The following CTNNA2 variants were observed in gnomAD, a reference collection of about 807,000 sequenced individuals.
CTNNA2 encodes the protein catenin alpha-2.
CTNNA2 carries 42 observed loss-of-function variants against 101.0 expected under a neutral mutation model. The observed-to-expected ratio is 0.42, with a 90% CI of 0.32 to 0.54. CTNNA2 has a LOEUF of 0.54. Among genes scored for constraint, CTNNA2 ranks in the 20% least tolerant of loss-of-function variants. The probability of loss-of-function intolerance (pLI) is 0.14; values close to 1 mark genes in which losing one functional copy is unlikely to be tolerated. For missense variants in CTNNA2, 871 were observed against 1,223.1 expected, an observed-to-expected ratio of 0.71 and a Z score of 4.29; for synonymous variants, 450 against 456.4, an observed-to-expected ratio of 0.99 and a Z score of 0.18.
intron 1 of CTNNA2, among the ~76,000 whole-genome samples, chr2:79,529,008 T>C (rs986304914): frequency 1.3e-5 from 2 of 152,118 alleles, no homozygotes; most frequent in Admixed American, 6.6e-5. Flanking sequence ...GTGTTTAAAG[T>C]AAAACAGAAT....
chr2:79,289,021 C>T (rs1282694259), intron 2 of CTNNA2, among the ~76,000 whole-genome samples: 3 of 152,160 alleles, frequency 2.0e-5, no homozygotes, highest in African/African-American at 7.2e-5. Context: ...AATTTGATTG[C>T]TTTTTGTTTG....
chr2:80,222,620 CA>C (rs1298572496), intron 7 of CTNNA2, among the ~76,000 whole-genome samples: 3 of 152,154 alleles, frequency 2.0e-5, no homozygotes, highest in Admixed American at 6.5e-5. Context: ...CTTGCTGTCA[CA>C]ATACATAAAT....
chr2:79,512,090 C>A (rs964733240), upstream of CTNNA2, among the ~76,000 whole-genome samples: 6 of 152,198 alleles, frequency 3.9e-5, no homozygotes, highest in African/African-American at 1.4e-4. Context: ...ACCTTTTTCA[C>A]TGTTAGCACC....
intron 2 of CTNNA2, among the ~76,000 whole-genome samples, chr2:79,200,762 T>A (rs557667656): frequency 1.8e-4 from 28 of 151,888 alleles, no homozygotes; most frequent in Non-Finnish European, 2.5e-4. Context: ...CAGGCACACA[T>A]ACACACACAT....
chr2:80,627,410 T>A (rs1671797279), intron 18 of CTNNA2, among the ~76,000 whole-genome samples: 1 of 152,312 alleles, frequency 6.6e-6, no homozygotes, highest in East Asian at 1.9e-4. Context: ...ATCGCCATTC[T>A]AACTGGTGTG....
At chr2:80,164,939 G>GTTTTTTTTTTTT (rs774573996) in intron 7 of CTNNA2, among the ~76,000 whole-genome samples, 3 of 99,266 alleles carry the variant, frequency 3.0e-5, no homozygotes, top group African/African-American at 1.4e-4. Context: ...CCAACTTTTG[G>GTTTTTTTTTTTT]TTTTTTTTTT....
chr2:79,746,988 T>C (rs1245782225), intron 3 of CTNNA2, among the ~76,000 whole-genome samples: 1 of 152,180 alleles, frequency 6.6e-6, no homozygotes, highest in Non-Finnish European at 1.5e-5. Flanking sequence ...CTCTTCCAAT[T>C]CTTCTTGCAA....
At chr2:79,815,629 T>G (rs1221888852) in intron 3 of CTNNA2, among the ~76,000 whole-genome samples, 1 of 152,326 alleles carries the variant, frequency 6.6e-6, no homozygotes, top group South Asian at 2.1e-4. Context: ...GTGCCTATTT[T>G]TATACCAGTA....
chr2:80,558,947 G>A (rs13018959), intron 12 of CTNNA2, among the ~76,000 whole-genome samples: 67,745 of 151,914 alleles, frequency 0.45, 16,404 homozygotes, highest in Middle Eastern at 0.56. Context: ...GGTCTGAACA[G>A]TTGTTTCTTG....
At chr2:80,092,622 T>C (rs1558799572) in intron 7 of CTNNA2, among the ~76,000 whole-genome samples, 1 of 152,104 alleles carries the variant, frequency 6.6e-6, no homozygotes, top group African/African-American at 2.4e-5. Flanking sequence ...AGACTGCCCA[T>C]CCCACCCTGC....
chr2:79,662,012 G>C (rs1446957815), intron 2 of CTNNA2, among the ~76,000 whole-genome samples: 3 of 151,570 alleles, frequency 2.0e-5, no homozygotes, highest in Admixed American at 6.6e-5. Flanking sequence ...AAGAGAGTAA[G>C]GAAATAAATA....
intron 7 of CTNNA2, among the ~76,000 whole-genome samples, chr2:79,975,410 C>T (rs943123283): frequency 6.6e-6 from 1 of 152,134 alleles, no homozygotes; most frequent in Non-Finnish European, 1.5e-5. Context: ...TCCCCCCACA[C>T]ACTAAGAGAT....
chr2:79,348,682 C>T (rs1009033706), intron 3 of CTNNA2, among the ~76,000 whole-genome samples: 1 of 152,192 alleles, frequency 6.6e-6, no homozygotes, highest in Non-Finnish European at 1.5e-5. Context: ...TCCCAAAATA[C>T]TTTAATTAAT....
intron 3 of CTNNA2, among the ~76,000 whole-genome samples, chr2:79,751,593 C>CAAAAAAAAAAAAAA (rs397985098): frequency 1.5e-5 from 1 of 68,942 alleles, no homozygotes; most frequent in African/African-American, 5.0e-5. Context: ...GACTCCATCT[C>CAAAAAAAAAAAAAA]AAAAAAAAAA....
rs4852543 is a variant in CTNNA2, at chr2:79,935,326, C to A, written c.1056+25529C>A. On this transcript the variant is annotated intron_variant, in intron 7 of 18. Transcript: ENST00000402739. The stretch of plus-strand genomic sequence containing the variant: ...ACAATTTAGACTGGTCTGCCCAGAG[C>A]CCGTATTTCTTCTTTCTCTCTCTCT... Among the ~76,000 whole-genome samples, 327 of 151,670 alleles carry A rather than the reference C, an allele frequency of 2.2e-3. 2 individuals carry two copies. The highest frequency in any genetic ancestry group is 0.016 in the Admixed American group (248 of 15,204).
chr2:80,538,746 T>C (rs541146502), intron 9 of CTNNA2, among the ~76,000 whole-genome samples: 1 of 152,344 alleles, frequency 6.6e-6, no homozygotes, highest in East Asian at 1.9e-4. Context: ...AAGTAGTTTT[T>C]TCTAATTCTG....
chr2:79,595,960 G>A lies in CTNNA2; in HGVS notation c.-5-55592G>A, dbSNP rs145261917. On this transcript the variant is annotated intron_variant, in intron 1 of 18. Transcript: ENST00000402739. ...TGAGCGTATGACACAGATCCATTCC[G>A]CCATGTGATACTCTTCTCTTTAATG... 4.1e-3 allele frequency among the ~76,000 whole-genome samples: 612 copies of A among 149,872 alleles called. 4 individuals are homozygous for A. Among genetic ancestry groups the A allele is most frequent in the African/African-American group, 0.014 (573 of 40,740 alleles).
At chr2:80,149,459 AG>A (rs1299580667) in intron 7 of CTNNA2, among the ~76,000 whole-genome samples, 4 of 152,174 alleles carry the variant, frequency 2.6e-5, no homozygotes, top group Non-Finnish European at 5.9e-5. Context: ...TCCATTTAAC[AG>A]GGCTCAGCCC....
chr2:79,705,073 CT>C (rs1268315204), intron 2 of CTNNA2, among the ~76,000 whole-genome samples: 1 of 152,080 alleles, frequency 6.6e-6, no homozygotes, highest in East Asian at 1.9e-4. Flanking sequence ...CTACAGGCAT[CT>C]AGTGGGTCGA....
Sources: allele counts gnomAD v4.1 joint callset (sites outside exome capture counted in the v4.1 genomes callset), GRCh38; gene constraint gnomAD v4.1.1; transcripts MANE v1.5; gene names NCBI Gene and HGNC (gene_info 2026-07-23, HGNC 2026-07-21).